The following CYP2C19 variants were observed in gnomAD, a reference collection of about 807,000 sequenced individuals.
The protein encoded by CYP2C19 is cytochrome P450 family 2 subfamily C member 19, also known as cytochrome P450 2C19.
CYP2C19 carries 59 observed loss-of-function variants against 40.9 expected under a neutral mutation model. The ratio of observed to expected loss-of-function variants is 1.44; its 90% CI spans 1.17 to 1.79. CYP2C19 has a LOEUF of 1.79. CYP2C19 is among the 40% of genes most tolerant of loss of function. The pLI is 0.00. For missense variants in CYP2C19, 754 were observed against 596.9 expected, an observed-to-expected ratio of 1.26 and a Z score of -2.74; for synonymous variants, 253 against 208.7, an observed-to-expected ratio of 1.21 and a Z score of -1.83.
intron 3 of CYP2C19, among the ~76,000 whole-genome samples, chr10:94,778,355 T>C (rs943874688): frequency 5.9e-5 from 9 of 152,174 alleles, no homozygotes; most frequent in African/African-American, 1.9e-4. Flanking sequence ...CCTGAAACTA[T>C]GCAGAGCCTT....
intron 3 of CYP2C19, among the ~76,000 whole-genome samples, chr10:94,779,707 C>T (rs1423924324): frequency 6.6e-6 from 1 of 151,556 alleles, no homozygotes; most frequent in Non-Finnish European, 1.5e-5. Flanking sequence ...ATTACAGGCA[C>T]CCACCACCAC....
At chr10:94,823,942 T>C (rs1849169928) in intron 6 of CYP2C19, among the ~76,000 whole-genome samples, 1 of 152,150 alleles carries the variant, frequency 6.6e-6, no homozygotes, top group Non-Finnish European at 1.5e-5. Flanking sequence ...AGAATGAACC[T>C]GGTGGATAAT....
intron 5 of CYP2C19, among the ~76,000 whole-genome samples, chr10:94,810,883 T>C (rs528951120): frequency 6.6e-6 from 1 of 152,332 alleles, no homozygotes; most frequent in Admixed American, 6.5e-5. Flanking sequence ...CTCTATCTCC[T>C]TCAATTCTGC....
chr10:94,804,862 A>G (rs1180645535), intron 5 of CYP2C19, among the ~76,000 whole-genome samples: 3 of 152,222 alleles, frequency 2.0e-5, no homozygotes, highest in African/African-American at 7.2e-5. Flanking sequence ...CTAATCTGCC[A>G]TCTTGGAAAA....
chr10:94,782,651 A>T (rs1848494378), intron 5 of CYP2C19, among the ~76,000 whole-genome samples: 1 of 152,154 alleles, frequency 6.6e-6, no homozygotes, highest in African/African-American at 2.4e-5. Flanking sequence ...TTATAAAGAC[A>T]CATGTACACA....
chr10:94,784,992 T>C (rs977789635), intron 5 of CYP2C19, among the ~76,000 whole-genome samples: 1 of 152,166 alleles, frequency 6.6e-6, no homozygotes, highest in African/African-American at 2.4e-5. Flanking sequence ...GTTATTCAAG[T>C]CCATTTCCTA....
intron 1 of CYP2C19, 65 bp from the exon 2 acceptor site, chr10:94,774,993 A>T (rs1462490954): frequency 6.5e-7 from 1 of 1,534,286 alleles, no homozygotes; most frequent in Non-Finnish European, 8.9e-7. Context: ...TATGAATCTA[A>T]GTCAGGCTTA....
intron 1 of CYP2C19, among the ~76,000 whole-genome samples, chr10:94,766,339 C>T (rs1323259286): frequency 1.3e-5 from 2 of 151,684 alleles, no homozygotes; most frequent in Non-Finnish European, 2.9e-5. Context: ...GATAGATAGG[C>T]AAAGAATAAA....
chr10:94,846,261 T>C (rs1336677068), intron 7 of CYP2C19, among the ~76,000 whole-genome samples: 10 of 152,152 alleles, frequency 6.6e-5, no homozygotes, highest in African/African-American at 2.4e-4. Context: ...CTTTAGTCAT[T>C]TAAATTTTCT....
intron 1 of CYP2C19, among the ~76,000 whole-genome samples, chr10:94,766,177 A>C (rs1313331793): frequency 1.3e-5 from 2 of 152,080 alleles, no homozygotes; most frequent in African/African-American, 2.4e-5. Flanking sequence ...TGGCAACATA[A>C]GCAGAGGTTG....
chr10:94,810,686 A>G (rs1848907631), intron 5 of CYP2C19, among the ~76,000 whole-genome samples: 1 of 152,144 alleles, frequency 6.6e-6, no homozygotes, highest in Non-Finnish European at 1.5e-5. Context: ...AGGTGTTTAT[A>G]GTATTCTCTG....
chr10:94,838,453 G>A (rs974310788), intron 6 of CYP2C19, among the ~76,000 whole-genome samples: 4 of 152,106 alleles, frequency 2.6e-5, no homozygotes, highest in African/African-American at 7.2e-5. Flanking sequence ...CATCAATATA[G>A]CCATCAGGGT....
chr10:94,796,497 AG>A (rs755515738), intron 5 of CYP2C19, among the ~76,000 whole-genome samples: 6 of 152,062 alleles, frequency 3.9e-5, no homozygotes, highest in Non-Finnish European at 5.9e-5. Context: ...TATTTCCACA[AG>A]ATCTTTAAAG....
chr10:94,788,865 T>C (rs570782358), intron 5 of CYP2C19, among the ~76,000 whole-genome samples: 3 of 152,310 alleles, frequency 2.0e-5, no homozygotes, highest in African/African-American at 7.2e-5. Flanking sequence ...ATATACCCAG[T>C]AATGGGATTG....
intron 5 of CYP2C19, among the ~76,000 whole-genome samples, chr10:94,800,025 C>T (rs1378234971): frequency 6.6e-6 from 1 of 152,186 alleles, no homozygotes; most frequent in Non-Finnish European, 1.5e-5. Flanking sequence ...AAGTCATGCT[C>T]CATCCAGCTT....
intron 5 of CYP2C19, among the ~76,000 whole-genome samples, chr10:94,796,006 G>A (rs1253474457): frequency 6.6e-6 from 1 of 152,208 alleles, no homozygotes; most frequent in South Asian, 2.1e-4. Context: ...AGTTTAGTTA[G>A]ATCCCATTTG....
intron 1 of CYP2C19, among the ~76,000 whole-genome samples, chr10:94,772,032 C>T (rs1271840717): frequency 6.6e-6 from 1 of 152,044 alleles, no homozygotes; most frequent in Admixed American, 6.5e-5. Context: ...CTGTTAGAGT[C>T]CTAAGTGTTC....
chr10:94,847,618 G>C (rs1325633907), intron 7 of CYP2C19, among the ~76,000 whole-genome samples: 1 of 152,158 alleles, frequency 6.6e-6, no homozygotes. Flanking sequence ...GGGTCAAGCG[G>C]TATTTCTAGT....
chr10:94,775,666 A>G (rs1019988930), intron 3 of CYP2C19, 127 bp downstream of exon 3: 12 of 1,534,800 alleles, frequency 7.8e-6, no homozygotes, highest in African/African-American at 6.8e-5. Context: ...CATGTGAAGC[A>G]GGGTTTGAAG....
Sources: allele counts gnomAD v4.1 joint callset (sites outside exome capture counted in the v4.1 genomes callset), GRCh38; gene constraint gnomAD v4.1.1; transcripts MANE v1.5; gene names NCBI Gene and HGNC (gene_info 2026-07-23, HGNC 2026-07-21).